PAPOLG: variants seen among roughly 807,000 people sequenced by gnomAD.
PAPOLG encodes the protein PAP-gamma.
Under a neutral mutation model 99.0 loss-of-function variants are expected in PAPOLG, and 40 were observed. That is an observed-to-expected ratio of 0.40 (90% CI 0.31 to 0.53). The LOEUF (loss-of-function observed/expected upper bound fraction) is 0.53. PAPOLG is among the 20% of genes least tolerant of loss of function. The probability of loss-of-function intolerance (pLI) is 0.41; values close to 1 mark genes in which losing one functional copy is unlikely to be tolerated. For missense variants in PAPOLG, 675 were observed against 884.1 expected (o/e 0.76, Z 3.00); for synonymous variants, 310 against 299.3 (o/e 1.04, Z -0.37).
At chr2:60,760,433 T>TA in intron 2 of PAPOLG, 138 bp downstream of exon 2, 3 of 739,102 alleles carry the variant, frequency 4.1e-6, no homozygotes, top group Non-Finnish European at 6.6e-6. Context: ...TCTTGGAGCT[T>TA]ACATTTTAGG....
chr2:60,792,663 G>A (rs1030913122), intron 17 of PAPOLG, among the ~76,000 whole-genome samples: 5 of 152,132 alleles, frequency 3.3e-5, no homozygotes, highest in Non-Finnish European at 5.9e-5. Flanking sequence ...GAGAGGTCAC[G>A]GCAGGCGAAC....
intron 15 of PAPOLG, among the ~76,000 whole-genome samples, chr2:60,790,520 A>G (rs112117892): frequency 2.3e-3 from 344 of 152,352 alleles, no homozygotes; most frequent in Admixed American, 4.1e-3. Context: ...TATATTTACA[A>G]TTAAAACATT....
In PAPOLG at chr2:60,801,433, A is replaced by C. The variant is rs1024075093; in HGVS notation, c.*4273A>C. ...TGCATAAGGTCACGTCATCCCCCAA[A>C]TTGTCTATTTTTTCTTTTCTTTTTT... On this transcript the variant is annotated 3_prime_UTR_variant, in exon 22 of 22. Transcript: ENST00000238714. 7 of 151,732 alleles carry C rather than the reference A, an allele frequency of 4.6e-5. No individual in the cohort carries two copies. The highest frequency in any genetic ancestry group is 1.7e-4 in the African/African-American group (7 of 41,322). 9.4% of individuals were successfully genotyped at this position (151,732 alleles called of 1,614,324 possible).
chr2:60,784,790 G>A (rs1183922246), intron 13 of PAPOLG, among the ~76,000 whole-genome samples: 1 of 152,138 alleles, frequency 6.6e-6, no homozygotes, highest in Non-Finnish European at 1.5e-5. Context: ...GTGCTTCATA[G>A]CAAAGTTGAA....
At chr2:60,796,766 A>G (rs899480658) in intron 21 of PAPOLG, among the ~76,000 whole-genome samples, 1 of 150,438 alleles carries the variant, frequency 6.6e-6, no homozygotes, top group African/African-American at 2.4e-5. Flanking sequence ...TTCTTTATGC[A>G]TTTCTTGATC....
At chr2:60,782,656 T>C (rs536408853) in intron 11 of PAPOLG, 30 bp from the exon 12 acceptor site, 33 of 713,872 alleles carry the variant, frequency 4.6e-5, no homozygotes, top group South Asian at 1.0e-4. Flanking sequence ...TCTTCTTCTT[T>C]TTTTTTTTTT....
At chr2:60,793,554 G>A in intron 17 of PAPOLG, 73 bp from the exon 18 acceptor site, 2 of 1,530,718 alleles carry the variant, frequency 1.3e-6, no homozygotes, top group Non-Finnish European at 1.8e-6. Flanking sequence ...GTAGAATGAG[G>A]CCTTTTCTCA....
chr2:60,774,240 ATCCACTGT>A (rs1459854569), intron 7 of PAPOLG, among the ~76,000 whole-genome samples: 5 of 150,416 alleles, frequency 3.3e-5, no homozygotes, highest in African/African-American at 1.2e-4. Flanking sequence ...CTGCAGTTTT[ATCCACTGT>A]TTCTTTTGCA....
At chr2:60,759,421 C>T (rs1315119290) in intron 1 of PAPOLG, among the ~76,000 whole-genome samples, 3 of 151,898 alleles carry the variant, frequency 2.0e-5, no homozygotes, top group Non-Finnish European at 4.4e-5. Context: ...TATTCAAGAC[C>T]GTAGTTTCTT....
chr2:60,781,736 AATGC>A, intron 10 of PAPOLG, 145 bp from the exon 11 acceptor site: 1 of 970,288 alleles, frequency 1.0e-6, no homozygotes, highest in Non-Finnish European at 1.5e-6. Context: ...TTCAGAAATA[AATGC>A]AGTTGGGGAG....
At chr2:60,775,653 A>G (rs760401126) in intron 8 of PAPOLG, among the ~76,000 whole-genome samples, 1 of 152,148 alleles carries the variant, frequency 6.6e-6, no homozygotes, top group African/African-American at 2.4e-5. Flanking sequence ...ATTTAAGCAC[A>G]CCTCTGAGAT....
intron 10 of PAPOLG, among the ~76,000 whole-genome samples, chr2:60,781,466 C>A (rs1671187370): frequency 6.6e-6 from 1 of 152,170 alleles, no homozygotes; most frequent in Non-Finnish European, 1.5e-5. Flanking sequence ...GCATAATTCT[C>A]CCATATCTTG....
chr2:60,793,602 G>A (rs1671607707), intron 17 of PAPOLG, 25 bp from the exon 18 acceptor site: 1 of 1,609,184 alleles, frequency 6.2e-7, no homozygotes, highest in Admixed American at 1.7e-5. Flanking sequence ...ATCATTTATT[G>A]ATGATAATTT....
intron 2 of PAPOLG, among the ~76,000 whole-genome samples, chr2:60,760,947 A>T (rs1191950058): frequency 1.3e-5 from 2 of 152,256 alleles, no homozygotes. Context: ...GAAACCAGTT[A>T]GCAAGCCATT....
intron 3 of PAPOLG, among the ~76,000 whole-genome samples, chr2:60,767,111 G>T (rs551259890): frequency 6.6e-6 from 1 of 152,176 alleles, no homozygotes; most frequent in East Asian, 1.9e-4. Flanking sequence ...CAAATTTGAG[G>T]GATATAAGCT....
chr2:60,763,610 T>C (rs1322593105), intron 3 of PAPOLG, among the ~76,000 whole-genome samples: 4 of 151,634 alleles, frequency 2.6e-5, no homozygotes, highest in African/African-American at 9.7e-5. Context: ...TTCAAACGAT[T>C]CTCCTGTCTT....
intron 1 of PAPOLG, among the ~76,000 whole-genome samples, chr2:60,759,610 C>T (rs1670464943): frequency 6.6e-6 from 1 of 152,138 alleles, no homozygotes; most frequent in African/African-American, 2.4e-5. Flanking sequence ...ATGTTAACCT[C>T]GGTTTCCCAA....
In PAPOLG at chr2:60,791,820, C is replaced by A; in HGVS notation, c.1456C>A (p.His486Asn). The A allele has an allele frequency of 6.2e-7, 1 of 1,613,720 alleles. No homozygotes were observed. Among genetic ancestry groups the A allele is most frequent in the South Asian group, 1.1e-5 (1 of 91,050 alleles). The change falls in exon 16 of 22, where the codon CAT becomes AAT. Residue 486 changes from histidine to asparagine, a missense_variant. Physicochemically the swap from His to Asn is moderately conservative, Grantham distance 68 (BLOSUM62 1). Around this residue, in one of 3 missense-constraint regions of PAPOLG, gnomAD observed 413 missense variants for 460.5 expected, o/e 0.90. Transcript: ENST00000238714. ...GGAGGGAATGAAAATTGAAGCAACT[C>A]ATGTAAAGAAAAAACAACTTCACCA... ...LKEGMKIEAT[H>N]VKKKQLHHYL...
chr2:60,794,591 T>G, intron 19 of PAPOLG, 119 bp from the exon 20 acceptor site: 1 of 804,476 alleles, frequency 1.2e-6, no homozygotes, highest in Non-Finnish European at 2.0e-6. Context: ...CTCTTACCAA[T>G]CCATGTTTAT....
Sources: allele counts gnomAD v4.1 joint callset (sites outside exome capture counted in the v4.1 genomes callset), GRCh38; gene constraint gnomAD v4.1.1; regional missense constraint gnomAD v4.1.1; transcripts MANE v1.5; gene names NCBI Gene and HGNC (gene_info 2026-07-23, HGNC 2026-07-21).